The following SLC18B1 variants were observed in gnomAD, a reference collection of about 807,000 sequenced individuals.
The protein encoded by SLC18B1 is MFS-type transporter SLC18B1.
SLC18B1 carries 62 observed loss-of-function variants against 53.9 expected under a neutral mutation model. That is an observed-to-expected ratio of 1.15 (90% CI 0.94 to 1.42). The LOEUF (loss-of-function observed/expected upper bound fraction) is 1.42. SLC18B1 is among the 40% of genes most tolerant of loss of function. SLC18B1 has a pLI of 0.00. For synonymous variants in SLC18B1, 217 were observed against 200.9 expected, an observed-to-expected ratio of 1.08 and a Z score of -0.68; for missense variants, 598 against 547.3, an observed-to-expected ratio of 1.09 and a Z score of -0.93.
intron 8 of SLC18B1, among the ~76,000 whole-genome samples, chr6:132,775,280 T>C (rs561403627): frequency 6.6e-6 from 1 of 152,208 alleles, no homozygotes; most frequent in Non-Finnish European, 1.5e-5. Context: ...GTCTCCACAA[T>C]TGTGAGAAAT....
chr6:132,770,278 C>T lies in SLC18B1; in HGVS notation c.1363G>A (p.Glu455Lys). ...ATCCAGGATCCATCGGACTAGGTTT[C>T]ATTAGGCAAGAGAGTAGTTCGTTCC... ...EEERTTLLPN[E>K]T The change falls in exon 14 of 14, where the codon GAA becomes AAA. Residue 455 changes from glutamate to lysine, a missense_variant. Glu to Lys is a moderately conservative substitution (Grantham distance 56). Transcript: ENST00000275227. The T allele has an allele frequency of 6.2e-7, 1 of 1,613,258 alleles. No individual in the cohort carries two copies. Among genetic ancestry groups the T allele is most frequent in the Non-Finnish European group, 8.5e-7 (1 of 1,179,214 alleles).
chr6:132,788,865 A>G (rs1582869490), intron 4 of SLC18B1, among the ~76,000 whole-genome samples: 1 of 150,600 alleles, frequency 6.6e-6, no homozygotes, highest in Non-Finnish European at 1.5e-5. Flanking sequence ...TCACTCTGAC[A>G]AGACCTATAA....
chr6:132,794,631 C>T (rs74450009), intron 2 of SLC18B1, among the ~76,000 whole-genome samples: 2 of 152,186 alleles, frequency 1.3e-5, no homozygotes, highest in African/African-American at 2.4e-5. Flanking sequence ...ATGCCATTCA[C>T]TCTGCTCTTC....
chr6:132,779,457 T>A, intron 6 of SLC18B1, 53 bp from the exon 7 acceptor site: 1 of 1,557,836 alleles, frequency 6.4e-7, no homozygotes, highest in Non-Finnish European at 8.7e-7. Flanking sequence ...TTAAAATCTC[T>A]TAATTTTAAC....
At chr6:132,790,625 T>A (rs1395575481) in intron 2 of SLC18B1, among the ~76,000 whole-genome samples, 1 of 152,158 alleles carries the variant, frequency 6.6e-6, no homozygotes, top group Admixed American at 6.5e-5. Context: ...AAACAGCTGA[T>A]TCAGACACAC....
intron 13 of SLC18B1, among the ~76,000 whole-genome samples, chr6:132,770,659 C>T (rs1427979113): frequency 6.6e-6 from 1 of 152,074 alleles, no homozygotes; most frequent in Non-Finnish European, 1.5e-5. Context: ...CCGCTTGAAC[C>T]CGGGGGGCAG....
At position 132,785,878 on chromosome 6, in the gene SLC18B1, C is replaced by T. The variant is rs185425312; in HGVS notation, c.501+1556G>A. Among the ~76,000 whole-genome samples, 20 of 104,060 alleles carry T rather than the reference C, an allele frequency of 1.9e-4. 1 individual carries two copies. The East Asian group carries it at 5.2e-3, about 27-fold the overall frequency. The allele number at this position is 104,060 out of a possible 152,430, so 68.3% of individuals were successfully genotyped here. A position where few individuals can be genotyped will look rare whatever the true frequency, so the allele number is the denominator to read the frequency against. ...GTGTTCAAGACCAGCCTGGGCAACTCAGCAAGACCCTGTCTCTACAAAAAA... is the reference window on the plus strand; with the variant it reads ...GTGTTCAAGACCAGCCTGGGCAACTTAGCAAGACCCTGTCTCTACAAAAAA... On this transcript the variant is annotated intron_variant, in intron 5 of 13. Transcript: ENST00000275227.
chr6:132,787,637 T>TC (rs59298792), intron 4 of SLC18B1, 56 bp from the exon 5 acceptor site: 2 of 1,385,520 alleles, frequency 1.4e-6, no homozygotes, highest in Non-Finnish European at 1.9e-6. Flanking sequence ...TTTTTTTTTT[T>TC]CCTTTTTAAC....
chr6:132,790,247 G>C lies in SLC18B1; in HGVS notation c.209C>G (p.Thr70Arg). ...KEAEKKGASN[T>R]IIGMIFGCFA... ...ACATCCAAAGATCATACCGATAATTGTATTGCTGGCTCCCTTCTTTTCAGC... is the reference window on the plus strand; with the variant it reads ...ACATCCAAAGATCATACCGATAATTCTATTGCTGGCTCCCTTCTTTTCAGC... The change falls in exon 3 of 14, where the codon ACA becomes AGA. Residue 70 changes from threonine (T) to arginine (R), a missense_variant. Transcript: ENST00000275227. 2 of 1,568,200 alleles carry C rather than the reference G, an allele frequency of 1.3e-6. No individual in the cohort carries two copies. Among genetic ancestry groups the C allele is most frequent in the Admixed American group, 3.7e-5 (2 of 54,596 alleles).
At position 132,770,457 on chromosome 6, in the gene SLC18B1, C is replaced by CAAATT. The variant is rs1356841190; in HGVS notation, c.1305-122_1305-121insAATTT. 28 of 832,980 alleles carry CAAATT rather than the reference C, an allele frequency of 3.4e-5. No individual in the cohort carries two copies. The African/African-American group carries it at 4.5e-4, about 13-fold the overall frequency. 51.6% of individuals were successfully genotyped at this position (832,980 alleles called of 1,614,324 possible). A position where few individuals can be genotyped will look rare whatever the true frequency, so the allele number is the denominator to read the frequency against. ...TCTTTTTAAAAAAGTTTCTACTGCC[C>CAAATT]GGGCATGGTGGCTCACGCCTGTAAT... On this transcript the variant is annotated intron_variant, in intron 13 of 13. Coordinates refer to ENST00000275227, the MANE Select transcript of SLC18B1 (RefSeq NM_052831.3).
At chr6:132,779,000 C>G (rs1025823098) in intron 7 of SLC18B1, among the ~76,000 whole-genome samples, 1 of 152,156 alleles carries the variant, frequency 6.6e-6, no homozygotes, top group Non-Finnish European at 1.5e-5. Flanking sequence ...GGATGATGCC[C>G]AAGCTAAACC....
At chr6:132,779,231 C>T in intron 7 of SLC18B1, 37 bp downstream of exon 7, 8 of 1,604,882 alleles carry the variant, frequency 5.0e-6, no homozygotes, top group South Asian at 1.1e-5. Context: ...CATCCACCTG[C>T]TACAATGCAG....
chr6:132,772,269 G>T, intron 10 of SLC18B1, 63 bp from the exon 11 acceptor site: 1 of 981,228 alleles, frequency 1.0e-6, no homozygotes, highest in Non-Finnish European at 1.5e-6. Context: ...AGAAAAAATT[G>T]TATGATAGAT....
At chr6:132,782,949 A>G (rs199866653) in intron 6 of SLC18B1, among the ~76,000 whole-genome samples, 33 of 151,760 alleles carry the variant, frequency 2.2e-4, no homozygotes, top group Admixed American at 8.5e-4. Context: ...TAATTTTTGT[A>G]TTTTTAGTAG....
intron 9 of SLC18B1, 116 bp downstream of exon 9, chr6:132,774,106 T>A: frequency 1.6e-6 from 1 of 612,776 alleles, no homozygotes; most frequent in Non-Finnish European, 2.7e-6. Flanking sequence ...AGTCCTAAAG[T>A]TAATTATTTA....
At chr6:132,781,073 A>C (rs975020016) in intron 6 of SLC18B1, among the ~76,000 whole-genome samples, 1 of 152,236 alleles carries the variant, frequency 6.6e-6, no homozygotes, top group Non-Finnish European at 1.5e-5. Flanking sequence ...TTTAAAATAT[A>C]AATTATAAAA....
chr6:132,787,954 G>T (rs768375805), intron 4 of SLC18B1, among the ~76,000 whole-genome samples: 12 of 152,050 alleles, frequency 7.9e-5, no homozygotes, highest in Non-Finnish European at 1.3e-4. Context: ...GAAGTCAGGA[G>T]ATCGAGACCA....
At position 132,790,225 on chromosome 6, in the gene SLC18B1, T is replaced by C; in HGVS notation, c.231A>G (p.Gly77=). ...ASNTIIGMIF[G]CFALFELLAS... The stretch of plus-strand genomic sequence containing the variant: ...CCAGCAACTCGAACAAAGCAAAACA[T>C]CCAAAGATCATACCGATAATTGTAT... Residue 77 remains glycine (G), a synonymous_variant, in exon 3 of 14, where the codon GGA becomes GGG. Coordinates refer to ENST00000275227, the MANE Select transcript of SLC18B1 (RefSeq NM_052831.3). The C allele has an allele frequency of 6.3e-7, 1 of 1,579,008 alleles. No homozygotes were observed. The highest frequency in any genetic ancestry group is 1.2e-5 in the South Asian group (1 of 86,252).
At chr6:132,796,184 T>A (rs1781674145) in intron 2 of SLC18B1, among the ~76,000 whole-genome samples, 1 of 138,750 alleles carries the variant, frequency 7.2e-6, no homozygotes, top group Non-Finnish European at 1.5e-5. Flanking sequence ...CCGTCTCTAC[T>A]AAAACAATAC....
Sources: gnomAD v4.1 joint callset for allele counts (sites outside exome capture counted in the v4.1 genomes callset) on GRCh38, gnomAD v4.1.1 for gene constraint, MANE v1.5 for transcripts, NCBI Gene and HGNC (gene_info 2026-07-23, HGNC 2026-07-21) for gene names.